DLG2: variants seen among roughly 807,000 people sequenced by gnomAD.
DLG2 encodes the protein disks large homolog 2.
Under a neutral mutation model 132.5 loss-of-function variants are expected in DLG2, and 45 were observed. The observed-to-expected ratio is 0.34, with a 90% CI of 0.27 to 0.44. The LOEUF is 0.44. Among genes scored for constraint, DLG2 ranks in the 20% least tolerant of loss-of-function variants. The pLI is 1.00. For synonymous variants in DLG2, 424 were observed against 419.6 expected (o/e 1.01, Z -0.13); for missense variants, 1,045 against 1,196.9 (o/e 0.87, Z 1.87).
chr11:84,981,261 C>T (rs770684966), intron 6 of DLG2, among the ~76,000 whole-genome samples: 3 of 152,100 alleles, frequency 2.0e-5, no homozygotes, highest in Non-Finnish European at 4.4e-5. Flanking sequence ...AGTTCTATTA[C>T]TATCTGTGCA....
chr11:84,088,479 G>A (rs2097030773), intron 10 of DLG2, among the ~76,000 whole-genome samples: 1 of 152,088 alleles, frequency 6.6e-6, no homozygotes, highest in African/African-American at 2.4e-5. Context: ...TATGGCAGTT[G>A]ACAGAAATAG....
intron 3 of DLG2, among the ~76,000 whole-genome samples, chr11:85,388,929 G>C (rs1343185913): frequency 6.6e-6 from 1 of 152,112 alleles, no homozygotes; most frequent in Non-Finnish European, 1.5e-5. Context: ...CTGGTAATAT[G>C]ACAAAACAAG....
At chr11:85,227,040 G>A (rs1443580144) in intron 4 of DLG2, among the ~76,000 whole-genome samples, 2 of 152,134 alleles carry the variant, frequency 1.3e-5, no homozygotes, top group African/African-American at 2.4e-5. Flanking sequence ...AAGGTGGAGG[G>A]TCAGAGCAGG....
At position 83,617,512 on chromosome 11, in the gene DLG2, T is replaced by C. The variant is rs191336886; in HGVS notation, c.1940+15699A>G. Among the ~76,000 whole-genome samples, 5 of 152,348 alleles carry C rather than the reference T, an allele frequency of 3.3e-5. No individual in the cohort carries two copies. In the East Asian group the frequency reaches 9.6e-4, roughly 29 times the overall value. On this transcript the variant is annotated intron_variant, in intron 19 of 27. Coordinates refer to ENST00000376104, the MANE Select transcript of DLG2 (RefSeq NM_001142699.3). ...TAAAATTGCTAAAGTTACTTTTTAA[T>C]TATAGCAGTCTATCTAGTTATTTTG...
At chr11:84,864,818 G>A (rs946642808) in intron 6 of DLG2, among the ~76,000 whole-genome samples, 2 of 151,982 alleles carry the variant, frequency 1.3e-5, no homozygotes, top group African/African-American at 2.4e-5. Context: ...ACAATATTTC[G>A]GGCAGCCCAT....
chr11:84,725,178 CA>C (rs2062286431), intron 6 of DLG2, among the ~76,000 whole-genome samples: 1 of 152,078 alleles, frequency 6.6e-6, no homozygotes, highest in South Asian at 2.1e-4. Flanking sequence ...AAGGTCTTAA[CA>C]AATAGACTAT....
chr11:83,564,288 T>C (rs1256775185), intron 19 of DLG2, among the ~76,000 whole-genome samples: 3 of 152,174 alleles, frequency 2.0e-5, no homozygotes, highest in Non-Finnish European at 2.9e-5. Context: ...TTGAAAATAT[T>C]CACAAGTGTC....
chr11:84,717,051 T>C (rs191530184), intron 6 of DLG2, among the ~76,000 whole-genome samples: 1 of 152,176 alleles, frequency 6.6e-6, no homozygotes, highest in Non-Finnish European at 1.5e-5. Flanking sequence ...CAAAAGAAGA[T>C]AACTTTTGAG....
chr11:84,455,212 A>G lies in DLG2; in HGVS notation c.519+79358T>C, dbSNP rs188273756. ...AGCAATTTTCCTAATGAAATTTCAC[A>G]CCTGTCCATTTCTGACACCATTTAA... On this transcript the variant is annotated intron_variant, in intron 7 of 27. Transcript: ENST00000376104. Among the ~76,000 whole-genome samples the G allele has an allele frequency of 2.7e-3, 403 of 151,490 alleles. 4 individuals carry two copies. The highest frequency in any genetic ancestry group is 9.2e-3 in the African/African-American group (382 of 41,422).
intron 3 of DLG2, among the ~76,000 whole-genome samples, chr11:85,368,198 A>G (rs1241859240): frequency 2.0e-5 from 3 of 152,166 alleles, no homozygotes; most frequent in Non-Finnish European, 4.4e-5. Flanking sequence ...TCAATTTCTA[A>G]TTGGATCAAT....
intron 6 of DLG2, among the ~76,000 whole-genome samples, chr11:84,573,036 A>T (rs146319419): frequency 7.7e-4 from 118 of 152,286 alleles, no homozygotes; most frequent in African/African-American, 2.8e-3. Flanking sequence ...TTAGCTTACA[A>T]ATACAATAAA....
At chr11:83,963,149 TC>T in intron 13 of DLG2, 126 bp from the exon 14 acceptor site, 1 of 1,013,352 alleles carries the variant, frequency 9.9e-7, no homozygotes, top group East Asian at 2.4e-5. Context: ...TTTCTTGTCC[TC>T]CCAGAGGGGG....
At chr11:84,983,232 T>C (rs2056013570) in intron 6 of DLG2, among the ~76,000 whole-genome samples, 1 of 152,174 alleles carries the variant, frequency 6.6e-6, no homozygotes, top group African/African-American at 2.4e-5. Flanking sequence ...GGAAGCGGAT[T>C]GCTCCTGAAG....
intron 11 of DLG2, among the ~76,000 whole-genome samples, chr11:84,021,934 A>G (rs2154078186): frequency 6.6e-6 from 1 of 152,086 alleles, no homozygotes; most frequent in African/African-American, 2.4e-5. Context: ...TTTAGTAGAG[A>G]CGGGGTTTCT....
chr11:84,663,250 T>TATATA (rs932489716), intron 6 of DLG2, among the ~76,000 whole-genome samples: 3 of 38,610 alleles, frequency 7.8e-5, no homozygotes, highest in African/African-American at 3.4e-4. Context: ...TATATATATA[T>TATATA]TTTTTTTTCA....
At chr11:85,343,655 C>T (rs955906412) in intron 3 of DLG2, among the ~76,000 whole-genome samples, 13 of 152,016 alleles carry the variant, frequency 8.6e-5, no homozygotes, top group African/African-American at 2.4e-4. Flanking sequence ...CGCGCGTACA[C>T]GCACATACAT....
intron 6 of DLG2, among the ~76,000 whole-genome samples, chr11:85,068,956 A>G (rs1451196972): frequency 6.6e-6 from 1 of 152,184 alleles, no homozygotes; most frequent in African/African-American, 2.4e-5. Context: ...AAACAGAGAT[A>G]CAGAGCAATG....
chr11:84,906,552 C>T (rs112005645), intron 6 of DLG2, among the ~76,000 whole-genome samples: 2,575 of 151,802 alleles, frequency 0.017, 71 homozygotes, highest in African/African-American at 0.06. Flanking sequence ...TTAAAAAAAA[C>T]AAAAAAGCTT....
In DLG2 at chr11:84,178,157, T is replaced by C. The variant is rs573035367; in HGVS notation, c.574-14646A>G. Among the ~76,000 whole-genome samples, 20 of 152,266 alleles carry C rather than the reference T, an allele frequency of 1.3e-4. No homozygotes were observed. In the East Asian group the frequency reaches 3.7e-3, roughly 28 times the overall value. ...AAAATGCTATGAAAACCAGCAGCTT[T>C]ACTGCCAGAGGGGGCCAACTTCATT... On this transcript the variant is annotated intron_variant, in intron 8 of 27. Transcript: ENST00000376104.
Sources: gnomAD v4.1 joint callset for allele counts (sites outside exome capture counted in the v4.1 genomes callset) on GRCh38, gnomAD v4.1.1 for gene constraint, MANE v1.5 for transcripts, NCBI Gene and HGNC (gene_info 2026-07-23, HGNC 2026-07-21) for gene names.